Variants in KAZN observed in about 807,000 individuals in gnomAD.
The protein encoded by KAZN is kazrin, periplakin interacting protein.
KAZN carries 40 observed loss-of-function variants against 87.4 expected under a neutral mutation model. The observed-to-expected ratio is 0.46, with a 90% CI of 0.36 to 0.60. The LOEUF is 0.60. Among genes scored for constraint, KAZN ranks in the 20% least tolerant of loss-of-function variants. KAZN has a pLI of 0.00. For synonymous variants in KAZN, 466 were observed against 458.3 expected, an observed-to-expected ratio of 1.02 and a Z score of -0.22; for missense variants, 898 against 1,073.9, an observed-to-expected ratio of 0.84 and a Z score of 2.29.
At chr1:14,565,692 A>C (rs779029137) in intron 2 of KAZN, among the ~76,000 whole-genome samples, 1 of 152,236 alleles carries the variant, frequency 6.6e-6, no homozygotes, top group Non-Finnish European at 1.5e-5. Context: ...TGTAATATTC[A>C]AAATTCTTCA....
chr1:14,913,180 T>A (rs1657431633), intron 1 of KAZN, among the ~76,000 whole-genome samples: 1 of 152,288 alleles, frequency 6.6e-6, no homozygotes, highest in African/African-American at 2.4e-5. Context: ...ATGCCTTGTG[T>A]TTCAGGGGGA....
chr1:14,146,967 C>T (rs1645367608), intron 1 of KAZN, among the ~76,000 whole-genome samples: 1 of 152,142 alleles, frequency 6.6e-6, no homozygotes, highest in Non-Finnish European at 1.5e-5. Context: ...CTCTCCCCTT[C>T]TTTCTCATTC....
At chr1:14,414,568 T>C (rs1017616477) in intron 2 of KAZN, among the ~76,000 whole-genome samples, 19 of 152,110 alleles carry the variant, frequency 1.2e-4, no homozygotes, top group African/African-American at 4.6e-4. Context: ...ATGATGCCAA[T>C]GTAGTAAGTT....
chr1:14,186,138 C>T (rs939961743), intron 2 of KAZN, among the ~76,000 whole-genome samples: 12 of 152,104 alleles, frequency 7.9e-5, no homozygotes, highest in East Asian at 5.8e-4. Flanking sequence ...CAATTACTTT[C>T]GTACCAACTG....
At chr1:14,434,705 A>G (rs190404095) in intron 2 of KAZN, among the ~76,000 whole-genome samples, 1 of 152,272 alleles carries the variant, frequency 6.6e-6, no homozygotes, top group African/African-American at 2.4e-5. Context: ...CAGTCCACGG[A>G]GCAGGGTGCA....
rs1053476139 is a variant in KAZN, at chr1:15,050,633, C to T, written c.727-5458C>T. ...AAGCAGTCTGCCCCAAATGTGCCACCTTCAGGCCCCTGGCCACCACCTTCT... is the reference window on the plus strand; with the variant it reads ...AAGCAGTCTGCCCCAAATGTGCCACTTTCAGGCCCCTGGCCACCACCTTCT... On this transcript the variant is annotated intron_variant, in intron 4 of 14. Coordinates refer to ENST00000376030, the MANE Select transcript of KAZN (RefSeq NM_201628.3). 3.9e-5 allele frequency among the ~76,000 whole-genome samples: 6 copies of T among 152,288 alleles called. No individual in the cohort carries two copies. The East Asian group carries it at 9.7e-4, about 25-fold the overall frequency.
chr1:14,933,490 A>T (rs1660087362), intron 1 of KAZN, among the ~76,000 whole-genome samples: 1 of 152,062 alleles, frequency 6.6e-6, no homozygotes, highest in Non-Finnish European at 1.5e-5. Flanking sequence ...TTTATCCCCA[A>T]CATGTCTCAC....
intron 1 of KAZN, among the ~76,000 whole-genome samples, chr1:14,089,244 C>T (rs1643919774): frequency 6.6e-6 from 1 of 151,964 alleles, no homozygotes; most frequent in Non-Finnish European, 1.5e-5. Context: ...TCCAATCTGA[C>T]AATCTATGTC....
chr1:14,817,154 T>G (rs1178148990), intron 1 of KAZN, among the ~76,000 whole-genome samples: 1 of 152,210 alleles, frequency 6.6e-6, no homozygotes, highest in Non-Finnish European at 1.5e-5. Flanking sequence ...ATGTGGACTG[T>G]TGAGGCAAAA....
intron 1 of KAZN, among the ~76,000 whole-genome samples, chr1:14,039,493 C>T (rs1293432258): frequency 6.6e-6 from 1 of 152,248 alleles, no homozygotes. Flanking sequence ...GCAAGATTGT[C>T]CACATGAGTC....
intron 2 of KAZN, among the ~76,000 whole-genome samples, chr1:14,537,206 C>T (rs1672554772): frequency 6.6e-6 from 1 of 152,122 alleles, no homozygotes; most frequent in Non-Finnish European, 1.5e-5. Context: ...AAGATGTTTC[C>T]AATTCTCTCC....
chr1:14,686,777 A>G (rs1383801728), intron 1 of KAZN, among the ~76,000 whole-genome samples: 1 of 152,168 alleles, frequency 6.6e-6, no homozygotes, highest in Non-Finnish European at 1.5e-5. Context: ...AAACATCCAC[A>G]CAGAACATTT....
intron 1 of KAZN, among the ~76,000 whole-genome samples, chr1:14,142,492 C>A (rs895136273): frequency 1.2e-4 from 19 of 152,134 alleles, no homozygotes; most frequent in Admixed American, 9.2e-4. Context: ...ACAAGATGTA[C>A]AAAATACACA....
chr1:14,852,663 G>T (rs987006822), intron 1 of KAZN, among the ~76,000 whole-genome samples: 2 of 152,276 alleles, frequency 1.3e-5, no homozygotes, highest in African/African-American at 2.4e-5. Context: ...ACTGGCAGAA[G>T]ATGACAAGTG....
intron 8 of KAZN, among the ~76,000 whole-genome samples, chr1:15,093,904 C>G (rs1289529109): frequency 6.6e-6 from 1 of 152,178 alleles, no homozygotes; most frequent in Non-Finnish European, 1.5e-5. Context: ...TTTGGGGTCC[C>G]AAGATTTATT....
chr1:14,741,162 A>G (rs1235494257), intron 1 of KAZN, among the ~76,000 whole-genome samples: 1 of 152,210 alleles, frequency 6.6e-6, no homozygotes, highest in Non-Finnish European at 1.5e-5. Context: ...AGGCCTGAAT[A>G]TGATTGGTGC....
rs532106926 is a variant in KAZN, at chr1:14,588,529, G to A, written c.250-10454G>A. On this transcript the variant is annotated intron_variant, in intron 2 of 16. Transcript: ENST00000636203. Reference sequence around the variant, plus strand: ...TGCTTAGCTTCCGAAGGGAACTTACGCACCTGAGTGCCAGAGCTCCATCCT... The same window carrying A: ...TGCTTAGCTTCCGAAGGGAACTTACACACCTGAGTGCCAGAGCTCCATCCT... 5.9e-5 allele frequency among the ~76,000 whole-genome samples: 9 copies of A among 152,326 alleles called. No individual in the cohort carries two copies. The South Asian group carries it at 6.2e-4, about 11-fold the overall frequency.
chr1:14,865,578 A>T (rs1371607699), intron 1 of KAZN, among the ~76,000 whole-genome samples: 1 of 152,160 alleles, frequency 6.6e-6, no homozygotes, highest in East Asian at 1.9e-4. Flanking sequence ...ACCAAAAGCC[A>T]GAGAGACGTC....
At chr1:14,293,938 C>T (rs1377718913) in intron 2 of KAZN, among the ~76,000 whole-genome samples, 1 of 152,122 alleles carries the variant, frequency 6.6e-6, no homozygotes, top group Admixed American at 6.5e-5. Flanking sequence ...CCAACAGACC[C>T]ATAAAATCAC....
Sources: gnomAD v4.1 joint callset for allele counts (sites outside exome capture counted in the v4.1 genomes callset) on GRCh38, gnomAD v4.1.1 for gene constraint, MANE v1.5 for transcripts, NCBI Gene and HGNC (gene_info 2026-07-23, HGNC 2026-07-21) for gene names.